Variants in KDM1B observed in about 807,000 individuals in gnomAD.
The protein encoded by KDM1B is lysine-specific histone demethylase 2.
KDM1B carries 63 observed loss-of-function variants against 107.4 expected under a neutral mutation model. That is an observed-to-expected ratio of 0.59 (90% CI 0.48 to 0.72). The LOEUF is 0.72. KDM1B is among the 30% of genes least tolerant of loss of function. The pLI, the probability that KDM1B is intolerant of heterozygous loss-of-function variation, is 0.00. For missense variants in KDM1B, 749 were observed against 1,020.8 expected (o/e 0.73, Z 3.63); for synonymous variants, 363 against 363.9 (o/e 1.00, Z 0.03).
At position 18,208,202 on chromosome 6, in the gene KDM1B, A is replaced by G. The variant is rs775840048; in HGVS notation, c.1862A>G (p.Gln621Arg). ...TTTDGTGYSAQKVLVTVPLAL... is the reference protein window; with the variant it reads ...TTTDGTGYSARKVLVTVPLAL... The stretch of plus-strand genomic sequence containing the variant: ...ACAGATGGCACAGGGTATTCTGCAC[A>G]AAAGGTAAGAGCTAGGGCAGTACAA... The change falls in exon 17 of 22, where the codon CAA (glutamine) becomes CGA (arginine). Residue 621 changes from glutamine (Q) to arginine (R), a missense_variant. Transcript: ENST00000650836. The G allele has an allele frequency of 5.6e-6, 9 of 1,612,426 alleles. No homozygotes were observed. The highest frequency in any genetic ancestry group is 7.6e-6 in the Non-Finnish European group (9 of 1,178,772).
At chr6:18,208,603 G>GTGTGCATATATATATATATATATATATA (rs1359166965) in intron 17 of KDM1B, among the ~76,000 whole-genome samples, 1 of 34,896 alleles carries the variant, frequency 2.9e-5, no homozygotes, top group Non-Finnish European at 4.8e-5. Flanking sequence ...GTATGTGTAT[G>GTGTGCATATATATATATATATATATATA]TATATATATA....
rs529759590 is a variant in KDM1B at position 18,169,905 on chromosome 6, ATTAT to A, written c.418-1443_418-1440del. Among the ~76,000 whole-genome samples, 253 of 151,938 alleles carry A rather than the reference ATTAT, an allele frequency of 1.7e-3. 4 individuals are homozygous for A. The highest frequency in any genetic ancestry group is 5.7e-3 in the African/African-American group (237 of 41,452). Reference sequence around the variant, plus strand: ...TTTATTTTGGAATCATCTTTTTAAAATTATTTATTTATTTATTTTTTTGAGACAG... The same window carrying A: ...TTTATTTTGGAATCATCTTTTTAAAATTATTTATTTATTTTTTTGAGACAG... On this transcript the variant is annotated intron_variant, in intron 6 of 21. Transcript: ENST00000650836.
At position 18,203,123 on chromosome 6, in the gene KDM1B, A is replaced by G. The variant is rs903425270; in HGVS notation, c.1531+1466A>G. On this transcript the variant is annotated intron_variant, in intron 14 of 21. Coordinates refer to ENST00000650836, the MANE Select transcript of KDM1B (RefSeq NM_001364614.2). This position sits in a 1 kb window ranked among gnomAD's most constrained non-coding sequence, Gnocchi z 5.5. ...ATAATGCTTTGCCTTACCCTTACCT[A>G]GAACAAGCTGTAGGCCAGGCATGAT... 2.6e-5 allele frequency among the ~76,000 whole-genome samples: 4 copies of G among 152,164 alleles called. No individual in the cohort carries two copies. Among genetic ancestry groups the G allele is most frequent in the South Asian group, 2.1e-4 (1 of 4,830 alleles).
At chr6:18,202,314 GC>G (rs1242093608) in intron 14 of KDM1B, among the ~76,000 whole-genome samples, 1 of 151,802 alleles carries the variant, frequency 6.6e-6, no homozygotes, top group African/African-American at 2.4e-5. Context: ...TGGAAGGATA[GC>G]TTTGAGCTGA....
chr6:18,205,659 C>T lies in KDM1B; in HGVS notation c.1654C>T (p.His552Tyr). The T allele has an allele frequency of 6.6e-7, 1 of 1,512,682 alleles. No homozygotes were observed. The highest frequency in any genetic ancestry group is 8.8e-7 in the Non-Finnish European group (1 of 1,132,058). The allele number at this position is 1,512,682 out of a possible 1,614,324, so 93.7% of individuals were successfully genotyped here. Residue 552 changes from histidine (H) to tyrosine (Y), a missense_variant, in exon 15 of 22, where the codon CAC becomes TAC. Coordinates refer to ENST00000650836, the MANE Select transcript of KDM1B (RefSeq NM_001364614.2). The surrounding 1 kb of genome is among the most constrained non-coding windows in gnomAD (Gnocchi z 5.7). Reference sequence around the variant, plus strand: ...GGAGTACGCCTGTGGCAGCAACCTTCACCAGGTGCGCTTGGGTTTTGTGAA... The same window carrying T: ...GGAGTACGCCTGTGGCAGCAACCTTTACCAGGTGCGCTTGGGTTTTGTGAA... ...NLEYACGSNL[H>Y]QVSARSWDHN...
rs1401645903 is a variant in KDM1B at position 18,162,243 on chromosome 6, C to T, written c.216-592C>T. ...GGCTGAGGCATGAGAATCGCTTGAA[C>T]CCAGGAGGCAGAGGTTGCAATGAGC... On this transcript the variant is annotated intron_variant, in intron 4 of 21. Coordinates refer to ENST00000650836, the MANE Select transcript of KDM1B (RefSeq NM_001364614.2). This position sits in a 1 kb window ranked among gnomAD's most constrained non-coding sequence, Gnocchi z 4.1. Among the ~76,000 whole-genome samples, 1 of 152,128 alleles carries T rather than the reference C, an allele frequency of 6.6e-6. No individual in the cohort carries two copies. The highest frequency in any genetic ancestry group is 1.5e-5 in the Non-Finnish European group (1 of 68,030).
intron 7 of KDM1B, among the ~76,000 whole-genome samples, chr6:18,180,862 G>A (rs939424590): frequency 2.6e-4 from 40 of 152,140 alleles, no homozygotes; most frequent in Admixed American, 1.0e-3. Context: ...CACTGCTCCC[G>A]GCCACTCTAG....
At chr6:18,221,515 A>AT (rs1182219521) in intron 21 of KDM1B, among the ~76,000 whole-genome samples, 2 of 151,812 alleles carry the variant, frequency 1.3e-5, no homozygotes, top group Admixed American at 6.6e-5. Flanking sequence ...CTCTCTACCT[A>AT]TTTTTTTACC....
chr6:18,167,527 G>A (rs542380632), intron 6 of KDM1B, among the ~76,000 whole-genome samples: 1 of 150,188 alleles, frequency 6.7e-6, no homozygotes, highest in South Asian at 2.1e-4. Context: ...AGGCTGTAGT[G>A]CAGTGGCACA....
chr6:18,155,761 G>C lies in KDM1B; in HGVS notation c.-57-122G>C, dbSNP rs1045290081. The stretch of plus-strand genomic sequence containing the variant: ...CTGCCCCGGATTAAAAGAGGGTGCG[G>C]GGTGGGTATCTGTCTGAAGAAGGGG... On this transcript the variant is annotated intron_variant, in intron 1 of 21. Transcript: ENST00000650836. The surrounding 1 kb of genome is among the most constrained non-coding windows in gnomAD (Gnocchi z 6.2). 2 of 152,354 alleles carry C rather than the reference G, an allele frequency of 1.3e-5. No individual in the cohort carries two copies. The highest frequency in any genetic ancestry group is 4.8e-5 in the African/African-American group (2 of 41,468). The allele number at this position is 152,354 out of a possible 1,614,324, so 9.4% of individuals were successfully genotyped here. A position where few individuals can be genotyped will look rare whatever the true frequency, so the allele number is the denominator to read the frequency against.
intron 21 of KDM1B, among the ~76,000 whole-genome samples, chr6:18,220,811 GCA>G (rs1266072054): frequency 5.4e-5 from 8 of 149,008 alleles, no homozygotes; most frequent in Admixed American, 4.7e-4. Context: ...TCGCTGTGTC[GCA>G]CAGGCTGGAG....
intron 21 of KDM1B, among the ~76,000 whole-genome samples, chr6:18,220,952 TGTTG>T (rs538501200): frequency 8.5e-4 from 129 of 152,122 alleles, no homozygotes; most frequent in African/African-American, 2.8e-3. Context: ...GGTTTCATCA[TGTTG>T]GTCAGGCAGG....
At chr6:18,177,968 A>G (rs1467080990) in intron 7 of KDM1B, among the ~76,000 whole-genome samples, 2 of 152,108 alleles carry the variant, frequency 1.3e-5, no homozygotes, top group East Asian at 3.8e-4. Flanking sequence ...TTTTGAGGTT[A>G]ATGTCTCCCA....
Position 18,208,137 on chromosome 6 carries a change from G to T in KDM1B, c.1797G>T (p.Gln599His), listed in dbSNP as rs2151002165. 6.2e-7 allele frequency: 1 copy of T among 1,612,618 alleles called. No homozygotes were observed. The highest frequency in any genetic ancestry group is 1.1e-5 in the South Asian group (1 of 91,028). ...GLDIQLKSPV[Q>H]CIDYSGDEVQ... ...CATAATTGCTTTTTGAGCAGGTGCAGTGTATTGATTATTCTGGAGATGAAG... is the reference window on the plus strand; with the variant it reads ...CATAATTGCTTTTTGAGCAGGTGCATTGTATTGATTATTCTGGAGATGAAG... The change falls in exon 17 of 22, where the codon CAG becomes CAT. Residue 599 changes from glutamine to histidine, a missense_variant. By Grantham distance (24) the Gln-to-His change is conservative. Transcript: ENST00000650836.
At chr6:18,206,795 G>A (rs749973708) in intron 15 of KDM1B, among the ~76,000 whole-genome samples, 7 of 152,058 alleles carry the variant, frequency 4.6e-5, no homozygotes, top group Non-Finnish European at 8.8e-5. Context: ...CCGTGGAGTC[G>A]GAAACACTGC....
intron 7 of KDM1B, among the ~76,000 whole-genome samples, chr6:18,182,077 T>A (rs535475315): frequency 2.5e-4 from 38 of 152,200 alleles, no homozygotes; most frequent in Non-Finnish European, 5.4e-4. Context: ...CTGGCTGTAT[T>A]TTAACATCAA....
At chr6:18,182,924 T>A (rs1464254087) in intron 7 of KDM1B, among the ~76,000 whole-genome samples, 2 of 152,200 alleles carry the variant, frequency 1.3e-5, no homozygotes, top group Non-Finnish European at 2.9e-5. Context: ...AGGTTACTTT[T>A]AAACATTTAC....
intron 5 of KDM1B, among the ~76,000 whole-genome samples, chr6:18,163,985 A>G (rs1259589902): frequency 2.0e-5 from 3 of 152,178 alleles, no homozygotes; most frequent in African/African-American, 7.2e-5. Context: ...ACACACATAC[A>G]TACATCTTTC....
At position 18,213,417 on chromosome 6, in the gene KDM1B, CAA is replaced by C. The variant is rs971827059; in HGVS notation, c.1984-238_1984-237del. Among the ~76,000 whole-genome samples, 7 of 143,522 alleles carry C rather than the reference CAA, an allele frequency of 4.9e-5. No individual in the cohort carries two copies. Among genetic ancestry groups the C allele is most frequent in the African/African-American group, 1.8e-4 (7 of 38,504 alleles). The allele number at this position is 143,522 out of a possible 152,430, so 94.2% of individuals were successfully genotyped here. On this transcript the variant is annotated intron_variant, in intron 18 of 21. Transcript: ENST00000650836. This position sits in a 1 kb window ranked among gnomAD's most constrained non-coding sequence, Gnocchi z 5.9. ...CTCCATTGCACTCCCAGCTGGGCAA[CAA>C]GAGCGAAACTCCGTCTCAAAAAAAA...
Sources: gnomAD v4.1 joint callset for allele counts (sites outside exome capture counted in the v4.1 genomes callset) on GRCh38, gnomAD v4.1.1 for gene constraint, Gnocchi (gnomAD v3.1) non-coding constraint, MANE v1.5 for transcripts, NCBI Gene and HGNC (gene_info 2026-07-23, HGNC 2026-07-21) for gene names.